Variants in NUDCD3 observed in about 807,000 individuals in gnomAD.
NUDCD3 encodes NudC domain containing 3.
A neutral mutation model predicts 39.7 loss-of-function variants in NUDCD3; 13 were observed. That is an observed-to-expected ratio of 0.33 (90% CI 0.21 to 0.52). The LOEUF (loss-of-function observed/expected upper bound fraction) is 0.52, where lower values mean the gene tolerates loss of function less well. Among genes scored for constraint, NUDCD3 ranks in the 20% least tolerant of loss-of-function variants. NUDCD3 has a pLI of 0.96. For missense variants in NUDCD3, 453 were observed against 458.1 expected (o/e 0.99, Z 0.10); for synonymous variants, 175 against 172.4 (o/e 1.02, Z -0.12).
chr7:44,468,928 C>T (rs1800192478), intron 2 of NUDCD3, among the ~76,000 whole-genome samples: 1 of 151,914 alleles, frequency 6.6e-6, no homozygotes, highest in Admixed American at 6.6e-5. Context: ...CACTGACATA[C>T]ACCAAGAACT....
rs1391664641 is a variant in NUDCD3, at chr7:44,404,368, G to T, written c.786+72C>A. 4 of 1,483,348 alleles carry T rather than the reference G, an allele frequency of 2.7e-6. No individual in the cohort carries two copies. The Admixed American group carries it at 5.3e-5, about 20-fold the overall frequency. The allele number at this position is 1,483,348 out of a possible 1,614,324, so 91.9% of individuals were successfully genotyped here. Reference sequence around the variant, plus strand: ...TCACTGCTTAAGTGTAAATAGGCTTGTTGGTCAAAAGGGGCATCACTGCAG... The same window carrying T: ...TCACTGCTTAAGTGTAAATAGGCTTTTTGGTCAAAAGGGGCATCACTGCAG... On this transcript the variant is annotated intron_variant, in intron 4 of 5. Coordinates refer to ENST00000355451, the MANE Select transcript of NUDCD3 (RefSeq NM_015332.4).
chr7:44,405,230 C>A (rs1021611915), intron 3 of NUDCD3, among the ~76,000 whole-genome samples: 4 of 152,194 alleles, frequency 2.6e-5, no homozygotes, highest in African/African-American at 9.7e-5. Flanking sequence ...CAAAACCAAG[C>A]CTCTAAAAGC....
chr7:44,473,683 C>G (rs1298012372), intron 2 of NUDCD3, among the ~76,000 whole-genome samples: 1 of 152,092 alleles, frequency 6.6e-6, no homozygotes, highest in Non-Finnish European at 1.5e-5. Context: ...TAGGAAGAAC[C>G]TGCTTCTATT....
chr7:44,427,205 T>A (rs534381431), intron 3 of NUDCD3, among the ~76,000 whole-genome samples: 22 of 152,294 alleles, frequency 1.4e-4, no homozygotes, highest in South Asian at 1.0e-3. Flanking sequence ...AAGGTAATAA[T>A]GTTTGAGTAT....
intron 2 of NUDCD3, chr7:44,484,439 G>C (rs1307608530): frequency 2.6e-5 from 4 of 153,210 alleles, no homozygotes; most frequent in African/African-American, 9.7e-5. Context: ...TATGAGACAG[G>C]TACTATTATT....
chr7:44,468,199 C>T (rs995523222), intron 2 of NUDCD3: 2 of 1,600,344 alleles, frequency 1.2e-6, no homozygotes, highest in Non-Finnish European at 1.7e-6. Flanking sequence ...AGATCGCTCA[C>T]AATGTTTCCT....
intron 2 of NUDCD3, among the ~76,000 whole-genome samples, chr7:44,475,214 C>T (rs558118609): frequency 1.3e-5 from 2 of 151,454 alleles, no homozygotes; most frequent in Admixed American, 1.3e-4. Context: ...TAGGTTCAAG[C>T]AATTCTTCTG....
chr7:44,490,342 G>A (rs1384484331), intron 1 of NUDCD3, 67 bp downstream of exon 1: 13 of 1,389,890 alleles, frequency 9.4e-6, no homozygotes, highest in Non-Finnish European at 1.2e-5. Flanking sequence ...GCTTGGAGGA[G>A]CGGGCGCCAG....
In NUDCD3 at chr7:44,386,033, G is replaced by C; in HGVS notation, c.1064C>G (p.Ser355Cys). 6.4e-7 allele frequency: 1 copy of C among 1,561,130 alleles called. No homozygotes were observed. Among genetic ancestry groups the C allele is most frequent in the Middle Eastern group, 1.7e-4 (1 of 5,952 alleles). The change falls in exon 6 of 6, where the codon TCC (serine) becomes TGC (cysteine). Residue 355 changes from serine (S) to cysteine (C), a missense_variant. Transcript: ENST00000355451. Reference sequence around the variant, plus strand: ...TCATTAAAACTGCACAGCCCCCGGGGAGATGTTGAACATGGCAGGGTCGAA... The same window carrying C: ...TCATTAAAACTGCACAGCCCCCGGGCAGATGTTGAACATGGCAGGGTCGAA... ...QRFDPAMFNI[S>C]PGAVQF is the part of the protein sequence containing the mutation.
intron 3 of NUDCD3, among the ~76,000 whole-genome samples, chr7:44,422,415 TAAG>T (rs1233593207): frequency 1.3e-5 from 2 of 150,536 alleles, no homozygotes; most frequent in Non-Finnish European, 3.0e-5. Flanking sequence ...AGAAAGAAGA[TAAG>T]AATCAAATAT....
At chr7:44,462,989 G>GTA (rs1310795773) in intron 2 of NUDCD3, among the ~76,000 whole-genome samples, 12 of 123,658 alleles carry the variant, frequency 9.7e-5, no homozygotes, top group African/African-American at 1.7e-4. Flanking sequence ...GTGTGTGTGT[G>GTA]TATACACAAA....
At chr7:44,447,537 G>A (rs1002849585) in intron 2 of NUDCD3, among the ~76,000 whole-genome samples, 1 of 152,144 alleles carries the variant, frequency 6.6e-6, no homozygotes, top group Non-Finnish European at 1.5e-5. Flanking sequence ...CTGTCACCAC[G>A]TGAGGACACA....
At chr7:44,477,822 C>CTTTTTT (rs938640330) in intron 2 of NUDCD3, among the ~76,000 whole-genome samples, 5 of 94,140 alleles carry the variant, frequency 5.3e-5, no homozygotes, top group Non-Finnish European at 8.6e-5. Flanking sequence ...ATGAACAATT[C>CTTTTTT]TTTTTTTTTT....
chr7:44,459,156 AT>A (rs923885708), intron 2 of NUDCD3, among the ~76,000 whole-genome samples: 5 of 148,258 alleles, frequency 3.4e-5, no homozygotes, highest in African/African-American at 9.9e-5. Context: ...ATTCCTAAGT[AT>A]TTTTTTATAT....
chr7:44,454,906 C>A (rs1184799462), intron 2 of NUDCD3, among the ~76,000 whole-genome samples: 1 of 151,676 alleles, frequency 6.6e-6, no homozygotes, highest in African/African-American at 2.4e-5. Flanking sequence ...TGCACTCTAG[C>A]CTGGGTGACA....
chr7:44,449,668 C>T (rs1415854819), intron 2 of NUDCD3, among the ~76,000 whole-genome samples: 1 of 151,866 alleles, frequency 6.6e-6, no homozygotes, highest in Non-Finnish European at 1.5e-5. Flanking sequence ...GACATCCATA[C>T]ACACACAAAA....
At chr7:44,433,117 A>C (rs1210605108) in intron 2 of NUDCD3, among the ~76,000 whole-genome samples, 1 of 152,220 alleles carries the variant, frequency 6.6e-6, no homozygotes, top group Non-Finnish European at 1.5e-5. Context: ...TCCATGAATC[A>C]GGAAGCAGGG....
chr7:44,404,390 G>A (rs1267920682), intron 4 of NUDCD3, 50 bp downstream of exon 4: 1 of 1,584,608 alleles, frequency 6.3e-7, no homozygotes. Flanking sequence ...GGGCATCACT[G>A]CAGGTTTGAA....
chr7:44,469,063 T>C (rs1412789154), intron 2 of NUDCD3, among the ~76,000 whole-genome samples: 1 of 90,442 alleles, frequency 1.1e-5, no homozygotes, highest in Non-Finnish European at 2.2e-5. Context: ...CAAACCAGAA[T>C]AGAGACAATC....
Sources: allele counts gnomAD v4.1 joint callset (sites outside exome capture counted in the v4.1 genomes callset), GRCh38; gene constraint gnomAD v4.1.1; transcripts MANE v1.5; gene names NCBI Gene and HGNC (gene_info 2026-07-23, HGNC 2026-07-21).